Variants in MTUS2 observed in about 807,000 individuals in gnomAD.
The protein encoded by MTUS2 is microtubule-associated tumor suppressor candidate 2.
A neutral mutation model predicts 114.1 loss-of-function variants in MTUS2; 40 were observed. That is an observed-to-expected ratio of 0.35 (90% CI 0.27 to 0.46). MTUS2 has a LOEUF of 0.46. MTUS2 is among the 20% of genes least tolerant of loss of function. The probability of loss-of-function intolerance (pLI) is 1.00; values close to 1 mark genes in which losing one functional copy is unlikely to be tolerated. For missense variants in MTUS2, 1,679 were observed against 1,705.4 expected (o/e 0.98, Z 0.27); for synonymous variants, 688 against 672.0 (o/e 1.02, Z -0.37).
intron 2 of MTUS2, among the ~76,000 whole-genome samples, chr13:29,021,189 C>T (rs536105800): frequency 6.6e-6 from 1 of 152,136 alleles, no homozygotes; most frequent in Non-Finnish European, 1.5e-5. Flanking sequence ...ATCTCTTGAG[C>T]CCAGGAGCTC....
chr13:29,081,656 G>C (rs575573111), intron 4 of MTUS2, among the ~76,000 whole-genome samples: 2 of 151,684 alleles, frequency 1.3e-5, no homozygotes, highest in African/African-American at 4.8e-5. Context: ...TAGATAAGGA[G>C]TGTCTTGATG....
intron 2 of MTUS2, among the ~76,000 whole-genome samples, chr13:28,918,983 C>T (rs2138044483): frequency 6.6e-6 from 1 of 152,100 alleles, no homozygotes; most frequent in Non-Finnish European, 1.5e-5. Flanking sequence ...AACTGAATCC[C>T]TCCCATTTTT....
chr13:29,228,113 A>G (rs1896182663), intron 5 of MTUS2, among the ~76,000 whole-genome samples: 1 of 152,232 alleles, frequency 6.6e-6, no homozygotes, highest in Admixed American at 6.5e-5. Context: ...ATGAAGATAT[A>G]TGCATAATGA....
At chr13:29,369,462 A>G (rs1871028757) in intron 8 of MTUS2, among the ~76,000 whole-genome samples, 1 of 152,154 alleles carries the variant, frequency 6.6e-6, no homozygotes, top group South Asian at 2.1e-4. Context: ...TGCCTATTCC[A>G]CAAACCTGAT....
At chr13:28,898,166 G>A (rs980648742) in intron 2 of MTUS2, among the ~76,000 whole-genome samples, 1 of 152,036 alleles carries the variant, frequency 6.6e-6, no homozygotes, top group African/African-American at 2.4e-5. Flanking sequence ...AAAAATACGG[G>A]GTTTCCTGTT....
chr13:29,060,802 CT>C (rs34983544), intron 4 of MTUS2, among the ~76,000 whole-genome samples: 15 of 127,696 alleles, frequency 1.2e-4, no homozygotes, highest in African/African-American at 3.3e-4. Flanking sequence ...GATTAGTTGA[CT>C]TTTTTTTTTT....
intron 2 of MTUS2, among the ~76,000 whole-genome samples, chr13:28,987,368 C>T (rs778466176): frequency 2.0e-5 from 3 of 152,008 alleles, no homozygotes; most frequent in Non-Finnish European, 2.9e-5. Flanking sequence ...ACCATGAGGT[C>T]ATTGGTCTTT....
At chr13:29,323,463 G>C (rs1900342654) in intron 6 of MTUS2, among the ~76,000 whole-genome samples, 1 of 152,228 alleles carries the variant, frequency 6.6e-6, no homozygotes, top group East Asian at 1.9e-4. Context: ...TGTTAGCCAG[G>C]ATTGTCTCGA....
chr13:29,251,447 A>G (rs1476355794), intron 5 of MTUS2, among the ~76,000 whole-genome samples: 7 of 152,160 alleles, frequency 4.6e-5, no homozygotes, highest in African/African-American at 1.7e-4. Context: ...TTTCACACCA[A>G]CCTAATAAGT....
chr13:29,384,445 G>T (rs77175878), intron 8 of MTUS2, among the ~76,000 whole-genome samples: 4,176 of 152,322 alleles, frequency 0.027, 184 homozygotes, highest in African/African-American at 0.094. Flanking sequence ...ACGCATTCAT[G>T]ATCTGGATGC....
intron 2 of MTUS2, among the ~76,000 whole-genome samples, chr13:28,927,591 G>A (rs9551570): frequency 0.084 from 12,760 of 152,118 alleles, 600 homozygotes; most frequent in South Asian, 0.13. Flanking sequence ...CAAACAAAAT[G>A]CCTGCTTTTA....
chr13:29,421,152 T>C (rs1422555803), intron 8 of MTUS2, among the ~76,000 whole-genome samples: 1 of 152,208 alleles, frequency 6.6e-6, no homozygotes, highest in Admixed American at 6.5e-5. Flanking sequence ...CTACCCATCA[T>C]TCCCAGTTTA....
intron 1 of MTUS2, among the ~76,000 whole-genome samples, chr13:28,828,059 T>C (rs1294014748): frequency 6.6e-6 from 1 of 152,150 alleles, no homozygotes; most frequent in East Asian, 1.9e-4. Flanking sequence ...AGACTGGGGC[T>C]TATTTCACCG....
At chr13:29,443,801 C>G (rs2138701020) in intron 9 of MTUS2, among the ~76,000 whole-genome samples, 1 of 152,306 alleles carries the variant, frequency 6.6e-6, no homozygotes, top group East Asian at 1.9e-4. Context: ...GTCCCTTCCC[C>G]TTAGCACCAG....
intron 5 of MTUS2, among the ~76,000 whole-genome samples, chr13:29,191,288 A>G (rs1894438579): frequency 2.0e-5 from 3 of 152,250 alleles, no homozygotes; most frequent in Non-Finnish European, 4.4e-5. Context: ...CATCACTGGC[A>G]CTAGAATCTC....
chr13:29,021,452 T>G (rs1886287968), intron 2 of MTUS2, among the ~76,000 whole-genome samples: 2 of 152,240 alleles, frequency 1.3e-5, no homozygotes, highest in Admixed American at 1.3e-4. Flanking sequence ...TTTATATTTC[T>G]TTGTCACTTT....
Position 29,503,758 on chromosome 13 carries a change from C to A in MTUS2, c.*552C>A. The A allele has an allele frequency of 1.3e-5, 3 of 229,918 alleles. No individual in the cohort carries two copies. The highest frequency in any genetic ancestry group is 1.7e-5 in the Non-Finnish European group (2 of 115,860). 14.2% of individuals were successfully genotyped at this position (229,918 alleles called of 1,614,324 possible). A position where few individuals can be genotyped will look rare whatever the true frequency, so the allele number is the denominator to read the frequency against. ...TAGAAAAAGGAAAAAAAAAAAGATA[C>A]AGAGAAGAAGCGCCTTTCAACTCAC... On this transcript the variant is annotated 3_prime_UTR_variant, in exon 16 of 16. Coordinates refer to ENST00000612955, the MANE Select transcript of MTUS2 (RefSeq NM_001033602.4).
At chr13:28,898,042 A>ACTTC (rs1879392587) in intron 2 of MTUS2, among the ~76,000 whole-genome samples, 1 of 152,108 alleles carries the variant, frequency 6.6e-6, no homozygotes, top group South Asian at 2.1e-4. Flanking sequence ...CTAAAACTTA[A>ACTTC]AGTATAAAAA....
chr13:29,075,681 C>A (rs1463908694), intron 4 of MTUS2, among the ~76,000 whole-genome samples: 1 of 152,180 alleles, frequency 6.6e-6, no homozygotes, highest in Admixed American at 6.5e-5. Context: ...TTCCTAGAAT[C>A]CTATTGATTA....
Sources: gnomAD v4.1 joint callset for allele counts (sites outside exome capture counted in the v4.1 genomes callset) on GRCh38, gnomAD v4.1.1 for gene constraint, MANE v1.5 for transcripts, NCBI Gene and HGNC (gene_info 2026-07-23, HGNC 2026-07-21) for gene names.